The following TIMMDC1 variants were observed in gnomAD, a reference collection of about 807,000 sequenced individuals.
The protein encoded by TIMMDC1 is translocase of inner mitochondrial membrane domain containing 1, also known as complex I assembly factor TIMMDC1, mitochondrial.
In TIMMDC1, 25 loss-of-function variants were observed where a neutral mutation model predicts 32.6. The observed-to-expected ratio is 0.77, with a 90% CI of 0.56 to 1.07. The LOEUF is 1.07. TIMMDC1 is among the 50% of genes least tolerant of loss of function. The pLI, the probability that TIMMDC1 is intolerant of heterozygous loss-of-function variation, is 0.00. For synonymous variants in TIMMDC1, 130 were observed against 127.6 expected (o/e 1.02, Z -0.13); for missense variants, 329 against 349.2 (o/e 0.94, Z 0.46).
Position 119,523,892 on chromosome 3 carries a change from C to T in TIMMDC1, c.*136C>T, listed in dbSNP as rs1310075637. ...GTACCTGTGGTGGCAGTGGCTTGCT[C>T]TTGTCTTTTTCTTTTCTTTTTAACT... On this transcript the variant is annotated 3_prime_UTR_variant, in exon 7 of 7. Transcript: ENST00000494664. 1 of 810,518 alleles carries T rather than the reference C, an allele frequency of 1.2e-6. No individual in the cohort carries two copies. The allele number at this position is 810,518 out of a possible 1,614,324, so 50.2% of individuals were successfully genotyped here.
At chr3:119,502,509 G>A (rs931828162) in intron 2 of TIMMDC1, among the ~76,000 whole-genome samples, 1 of 151,760 alleles carries the variant, frequency 6.6e-6, no homozygotes, top group Non-Finnish European at 1.5e-5. Flanking sequence ...TGGGATTATA[G>A]GTGTGAGCCA....
At chr3:119,522,130 A>C (rs911395449) in intron 6 of TIMMDC1, among the ~76,000 whole-genome samples, 1 of 152,218 alleles carries the variant, frequency 6.6e-6, no homozygotes, top group African/African-American at 2.4e-5. Context: ...TAGCACTATT[A>C]ATAGCCAAGG....
At chr3:119,513,964 A>G (rs111537493) in intron 5 of TIMMDC1, among the ~76,000 whole-genome samples, 65 of 152,306 alleles carry the variant, frequency 4.3e-4, no homozygotes, top group African/African-American at 1.5e-3. Flanking sequence ...CATTGACTCA[A>G]TACAACTATC....
intron 4 of TIMMDC1, among the ~76,000 whole-genome samples, chr3:119,506,089 C>G (rs2081917315): frequency 6.6e-6 from 1 of 152,140 alleles, no homozygotes; most frequent in South Asian, 2.1e-4. Flanking sequence ...TTTTAAAATA[C>G]AAAACTAGAA....
Position 119,499,617 on chromosome 3 carries a change from C to T in TIMMDC1, c.194+690C>T, listed in dbSNP as rs528351518. ...ATTTTTAGTAGAGACAGGATTTCAC[C>T]ATTCGCCAGGCTGGTCTGGAACTCC... is the stretch of plus-strand genomic sequence containing the variant. On this transcript the variant is annotated intron_variant, in intron 1 of 6. Transcript: ENST00000494664. 2.0e-5 allele frequency among the ~76,000 whole-genome samples: 3 copies of T among 150,988 alleles called. No individual in the cohort carries two copies. In the South Asian group the frequency reaches 6.3e-4, roughly 32 times the overall value.
chr3:119,511,516 GTAAA>G (rs1462549348), intron 4 of TIMMDC1, among the ~76,000 whole-genome samples: 1 of 151,640 alleles, frequency 6.6e-6, no homozygotes, highest in African/African-American at 2.4e-5. Context: ...TTGTGCGTAA[GTAAA>G]TCTGCACAGT....
In TIMMDC1 at chr3:119,504,063, A is replaced by C. The variant is rs769399765; in HGVS notation, c.517+42A>C. 3.4e-6 allele frequency: 5 copies of C among 1,473,752 alleles called. No homozygotes were observed. The South Asian group carries it at 5.7e-5, about 17-fold the overall frequency. 91.3% of individuals were successfully genotyped at this position (1,473,752 alleles called of 1,614,324 possible). The stretch of plus-strand genomic sequence containing the variant: ...TATATTTTTCAGTCTTCTCAAATAC[A>C]GTTTAGAAAATGTGTAAGGACTTAT... On this transcript the variant is annotated intron_variant, in intron 4 of 6. Coordinates refer to ENST00000494664, the MANE Select transcript of TIMMDC1 (RefSeq NM_016589.4).
chr3:119,522,738 G>A (rs2082035246), intron 6 of TIMMDC1, among the ~76,000 whole-genome samples: 1 of 151,912 alleles, frequency 6.6e-6, no homozygotes, highest in Non-Finnish European at 1.5e-5. Context: ...TTGAATCATA[G>A]TAATGAAAGA....
chr3:119,524,790 G>A lies in TIMMDC1; in HGVS notation c.*1034G>A, dbSNP rs2082055014. The A allele has an allele frequency of 6.6e-6, 1 of 152,204 alleles. No individual in the cohort carries two copies. The highest frequency in any genetic ancestry group is 1.5e-5 in the Non-Finnish European group (1 of 68,040). The allele number at this position is 152,204 out of a possible 1,614,324, so 9.4% of individuals were successfully genotyped here. A position where few individuals can be genotyped will look rare whatever the true frequency, so the allele number is the denominator to read the frequency against. ...AACAGCAGTTGGCTATGTCTTTCCA[G>A]TTCTCTGCTGATGTCAGAAAGACCC... On this transcript the variant is annotated 3_prime_UTR_variant, in exon 7 of 7. Coordinates refer to ENST00000494664, the MANE Select transcript of TIMMDC1 (RefSeq NM_016589.4).
At position 119,503,985 on chromosome 3, in the gene TIMMDC1, A is replaced by G. The variant is rs115043991; in HGVS notation, c.481A>G (p.Asn161Asp). The G allele has an allele frequency of 2.2e-4, 349 of 1,613,844 alleles. 2 individuals are homozygous for G. In the African/African-American group the frequency reaches 4.4e-3, roughly 20 times the overall value. The change falls in exon 4 of 7, where the codon AAT (asparagine) becomes GAT (aspartate). Residue 161 changes from asparagine (N) to aspartate (D), a missense_variant. Asn to Asp is a conservative substitution (Grantham distance 23). Transcript: ENST00000494664. The part of the protein sequence containing the change: ...TVNTSLNVYR[N>D]KDALSHFVIA... ...GAACACTAGTCTGAATGTATACCGA[A>G]ATAAAGATGCCTTAAGCCATTTTGT...
Position 119,498,562 on chromosome 3 carries a change from A to G in TIMMDC1, c.-172A>G. The G allele has an allele frequency of 1.6e-6, 1 of 624,504 alleles. No individual in the cohort carries two copies. The allele number at this position is 624,504 out of a possible 1,614,324, so 38.7% of individuals were successfully genotyped here. A position where few individuals can be genotyped will look rare whatever the true frequency, so the allele number is the denominator to read the frequency against. ...GACTTCCTGTGTCGTATTTCCAAGGACTCCAAAGCGAGGCCGGGGACTGAA... is the reference window on the plus strand; with the variant it reads ...GACTTCCTGTGTCGTATTTCCAAGGGCTCCAAAGCGAGGCCGGGGACTGAA... On this transcript the variant is annotated 5_prime_UTR_variant, in exon 1 of 7. Transcript: ENST00000494664.
chr3:119,499,468 A>T (rs2081853439), intron 1 of TIMMDC1, among the ~76,000 whole-genome samples: 1 of 140,754 alleles, frequency 7.1e-6, no homozygotes, highest in Non-Finnish European at 1.5e-5. Context: ...CCCAGGCTGG[A>T]GTGCAGTGGT....
rs761221522 is a variant in TIMMDC1 at position 119,517,308 on chromosome 3, G to A, written c.700G>A (p.Glu234Lys). ...DRKALHELKL[E>K]EWKGRLQVTE... ...AAAGGCACTCCATGAGCTAAAACTG[G>A]AAGAGTGGTAAGGAACATGTTGAGC... Residue 234 changes from glutamate (E) to lysine (K), a missense_variant, in exon 6 of 7, where the codon GAA (glutamate) becomes AAA (lysine). Transcript: ENST00000494664. 1 of 1,608,260 alleles carries A rather than the reference G, an allele frequency of 6.2e-7. No homozygotes were observed. Among genetic ancestry groups the A allele is most frequent in the Non-Finnish European group, 8.5e-7 (1 of 1,174,740 alleles).
At chr3:119,499,902 C>T (rs1416800480) in intron 1 of TIMMDC1, among the ~76,000 whole-genome samples, 1 of 152,172 alleles carries the variant, frequency 6.6e-6, no homozygotes, top group Non-Finnish European at 1.5e-5. Flanking sequence ...ATGTGCCACC[C>T]ACTGCATAGT....
In TIMMDC1 at chr3:119,498,881, T is replaced by G; in HGVS notation, c.148T>G (p.Tyr50Asp). 1 of 1,613,966 alleles carries G rather than the reference T, an allele frequency of 6.2e-7. No homozygotes were observed. The highest frequency in any genetic ancestry group is 1.3e-5 in the African/African-American group (1 of 75,038). Reference sequence around the variant, plus strand: ...GCTTCCCTACGTCCCAGAGCCCTATTACCCGGAATCTGGATGGGACCGCCT... The same window carrying G: ...GCTTCCCTACGTCCCAGAGCCCTATGACCCGGAATCTGGATGGGACCGCCT... ...KRLPYVPEPY[Y>D]PESGWDRLRE... The change falls in exon 1 of 7, where the codon TAC becomes GAC. Residue 50 changes from tyrosine (Y) to aspartate (D), a missense_variant. Tyr to Asp is a radical substitution (Grantham distance 160, BLOSUM62 -3). Coordinates refer to ENST00000494664, the MANE Select transcript of TIMMDC1 (RefSeq NM_016589.4).
At chr3:119,514,328 C>G (rs1389679304) in intron 5 of TIMMDC1, among the ~76,000 whole-genome samples, 1 of 152,108 alleles carries the variant, frequency 6.6e-6, no homozygotes, top group Non-Finnish European at 1.5e-5. Flanking sequence ...GAATATATTT[C>G]TTTTTCTTTC....
At chr3:119,505,079 CAAAAA>C (rs11290294) in intron 4 of TIMMDC1, among the ~76,000 whole-genome samples, 1 of 95,864 alleles carries the variant, frequency 1.0e-5, no homozygotes. Context: ...ACTCTTGTCT[CAAAAA>C]AAAAAAAAAA....
chr3:119,506,645 GCTA>G (rs2081920826), intron 4 of TIMMDC1, among the ~76,000 whole-genome samples: 1 of 150,878 alleles, frequency 6.6e-6, no homozygotes, highest in Non-Finnish European at 1.5e-5. Context: ...TTTTCCCACT[GCTA>G]CTATCTTATC....
At chr3:119,503,464 A>T in intron 2 of TIMMDC1, 68 bp from the exon 3 acceptor site, 1 of 1,221,328 alleles carries the variant, frequency 8.2e-7, no homozygotes, top group Non-Finnish European at 1.1e-6. Context: ...AAATTCCTCT[A>T]CCGCAGTTCT....
Sources: gnomAD v4.1 joint callset for allele counts (sites outside exome capture counted in the v4.1 genomes callset) on GRCh38, gnomAD v4.1.1 for gene constraint, MANE v1.5 for transcripts, NCBI Gene and HGNC (gene_info 2026-07-23, HGNC 2026-07-21) for gene names.